EIF3B: variants seen among roughly 807,000 people sequenced by gnomAD.
The protein encoded by EIF3B is eukaryotic translation initiation factor 3 subunit B.
A neutral mutation model predicts 104.6 loss-of-function variants in EIF3B; 10 were observed. The observed-to-expected ratio is 0.10, with a 90% CI of 0.06 to 0.16. The LOEUF (loss-of-function observed/expected upper bound fraction) is 0.16. EIF3B is among the 10% of genes least tolerant of loss of function. EIF3B has a pLI of 1.00. For missense variants in EIF3B, 1,014 were observed against 1,087.9 expected, an observed-to-expected ratio of 0.93 and a Z score of 0.96; for synonymous variants, 542 against 417.2, an observed-to-expected ratio of 1.30 and a Z score of -3.65.
At chr7:2,374,665 A>C in intron 13 of EIF3B, 59 bp downstream of exon 13, 1 of 1,491,930 alleles carries the variant, frequency 6.7e-7, no homozygotes, top group Non-Finnish European at 9.3e-7. Flanking sequence ...TGTGGCAGAG[A>C]CCCCTCAGGC....
chr7:2,358,101 CT>C (rs568625097), intron 1 of EIF3B, among the ~76,000 whole-genome samples: 72 of 146,812 alleles, frequency 4.9e-4, no homozygotes, highest in African/African-American at 8.4e-4. Context: ...TCAATATTTC[CT>C]TTTTTTTTTT....
chr7:2,376,649 C>T (rs550644744), intron 14 of EIF3B: 60 of 341,874 alleles, frequency 1.8e-4, no homozygotes, highest in Non-Finnish European at 1.2e-4. Context: ...GGTTCAGCGG[C>T]GCAGTAGTGA....
chr7:2,371,152 G>A (rs938281848), intron 10 of EIF3B, among the ~76,000 whole-genome samples: 7 of 152,216 alleles, frequency 4.6e-5, no homozygotes, highest in South Asian at 2.1e-4. Flanking sequence ...CTGGCATCAC[G>A]AATGTCTATG....
At chr7:2,364,067 C>T (rs915892313) in intron 5 of EIF3B, among the ~76,000 whole-genome samples, 12 of 152,092 alleles carry the variant, frequency 7.9e-5, no homozygotes, top group Non-Finnish European at 1.3e-4. Context: ...TGAGACCATC[C>T]TGGCTAACAC....
upstream of EIF3B, among the ~76,000 whole-genome samples, chr7:2,354,471 G>C (rs1218945829): frequency 1.3e-5 from 2 of 152,164 alleles, no homozygotes; most frequent in African/African-American, 2.4e-5. Flanking sequence ...TGAGTTAGAG[G>C]ACATTTTCCT....
chr7:2,360,909 G>T lies in EIF3B; in HGVS notation c.692+7G>T. On this transcript the variant is annotated splice_region_variant and intron_variant, in intron 2 of 18. Coordinates refer to ENST00000360876, the MANE Select transcript of EIF3B (RefSeq NM_001037283.2). ...AGGATGGGAAGACAAAAGGGTGAGTGTTCTCCTGTTGGAGAAGTATCATCT... is the reference window on the plus strand; with the variant it reads ...AGGATGGGAAGACAAAAGGGTGAGTTTTCTCCTGTTGGAGAAGTATCATCT... 6.3e-7 allele frequency: 1 copy of T among 1,599,734 alleles called. No homozygotes were observed. Among genetic ancestry groups the T allele is most frequent in the Non-Finnish European group, 8.6e-7 (1 of 1,167,932 alleles).
At chr7:2,374,727 C>T in intron 13 of EIF3B, 121 bp downstream of exon 13, 11 of 948,362 alleles carry the variant, frequency 1.2e-5, no homozygotes, top group Non-Finnish European at 1.6e-5. Flanking sequence ...AAAGGGTTGC[C>T]CCAGTGTCAG....
chr7:2,371,929 G>T, intron 11 of EIF3B, 80 bp downstream of exon 11: 2 of 1,157,548 alleles, frequency 1.7e-6, no homozygotes, highest in South Asian at 2.5e-5. Context: ...TCCATGCGAG[G>T]GGTTGTCTGA....
intron 10 of EIF3B, among the ~76,000 whole-genome samples, chr7:2,370,322 C>G (rs1780260498): frequency 1.3e-5 from 2 of 151,784 alleles, no homozygotes; most frequent in Non-Finnish European, 1.5e-5. Flanking sequence ...ACTAAAAGTA[C>G]AATAATTAGC....
At chr7:2,369,163 T>A (rs984181860) in intron 9 of EIF3B, among the ~76,000 whole-genome samples, 1 of 152,172 alleles carries the variant, frequency 6.6e-6, no homozygotes, top group Non-Finnish European at 1.5e-5. Flanking sequence ...CAGTGTGCGG[T>A]GTCTTAAGAG....
At chr7:2,356,667 G>T (rs887105905) in intron 1 of EIF3B, among the ~76,000 whole-genome samples, 1 of 151,828 alleles carries the variant, frequency 6.6e-6, no homozygotes, top group African/African-American at 2.4e-5. Context: ...AGGTGTGCTG[G>T]TGCACACCTG....
At chr7:2,364,324 G>T in intron 5 of EIF3B, 48 bp from the exon 6 acceptor site, 1 of 1,506,436 alleles carries the variant, frequency 6.6e-7, no homozygotes, top group Non-Finnish European at 8.9e-7. Context: ...AGGGGTCTTT[G>T]TGTTTGCCAT....
chr7:2,355,887 C>T (rs891056672), intron 1 of EIF3B, among the ~76,000 whole-genome samples: 8 of 152,300 alleles, frequency 5.3e-5, no homozygotes, highest in South Asian at 2.1e-4. Context: ...GTCCTCCTGC[C>T]CCTCAGAATT....
At chr7:2,364,044 G>A (rs1443127401) in intron 5 of EIF3B, among the ~76,000 whole-genome samples, 1 of 152,114 alleles carries the variant, frequency 6.6e-6, no homozygotes, top group Non-Finnish European at 1.5e-5. Context: ...GGTGGATCAC[G>A]AGGTCAGGAG....
chr7:2,368,335 G>A (rs1441384463), intron 9 of EIF3B, among the ~76,000 whole-genome samples: 3 of 151,922 alleles, frequency 2.0e-5, no homozygotes, highest in South Asian at 2.1e-4. Context: ...TAGAAGAGTC[G>A]GGGTTTCACC....
intron 1 of EIF3B, among the ~76,000 whole-genome samples, chr7:2,357,375 T>A (rs977030921): frequency 6.6e-5 from 10 of 152,060 alleles, no homozygotes; most frequent in African/African-American, 2.4e-4. Context: ...GCCCTCCTGG[T>A]TGTGGTAACG....
Position 2,355,192 on chromosome 7 carries a change from G to C in EIF3B, c.271G>C (p.Glu91Gln). Residue 91 changes from glutamate (E) to glutamine (Q), a missense_variant, in exon 1 of 19, where the codon GAG becomes CAG. Glu to Gln is a conservative substitution (Grantham distance 29). Transcript: ENST00000360876. Reference protein sequence around the residue: ...SESPSPPAAEELPGSHAEPPV... With the variant: ...SESPSPPAAEQLPGSHAEPPV... ...GTCGCCCTCGCCGCCGGCCGCCGAG[G>C]AGCTGCCCGGGTCGCATGCTGAGCC... The C allele has an allele frequency of 6.8e-7, 1 of 1,481,434 alleles. No individual in the cohort carries two copies. Among genetic ancestry groups the C allele is most frequent in the Non-Finnish European group, 8.9e-7 (1 of 1,125,096 alleles). 91.8% of individuals were successfully genotyped at this position (1,481,434 alleles called of 1,614,324 possible).
intron 13 of EIF3B, chr7:2,374,972 C>G (rs573858079): frequency 3.3e-6 from 1 of 301,208 alleles, no homozygotes; most frequent in South Asian, 6.6e-5. Context: ...AGCTGTGAGG[C>G]TGCCTTACCT....
In EIF3B at chr7:2,366,329, C is replaced by A; in HGVS notation, c.1170C>A (p.Thr390=). The A allele has an allele frequency of 1.9e-6, 3 of 1,609,492 alleles. No individual in the cohort carries two copies. The highest frequency in any genetic ancestry group is 2.5e-6 in the Non-Finnish European group (3 of 1,178,012). Residue 390 remains threonine, a synonymous_variant, in exon 7 of 19, where the codon ACC becomes ACA. Coordinates refer to ENST00000360876, the MANE Select transcript of EIF3B (RefSeq NM_001037283.2). The part of the protein sequence containing the change: ...DFSPCERYLV[T]FSPLMDTQDD... ...CCTTCTCTTCTAGGTACCTGGTGAC[C>A]TTTAGCCCCCTGATGGACACGCAGG... is the stretch of plus-strand genomic sequence containing the variant.
Sources: gnomAD v4.1 joint callset for allele counts (sites outside exome capture counted in the v4.1 genomes callset) on GRCh38, gnomAD v4.1.1 for gene constraint, MANE v1.5 for transcripts, NCBI Gene and HGNC (gene_info 2026-07-23, HGNC 2026-07-21) for gene names.